Variants in PDE7B observed in about 807,000 individuals in gnomAD.
PDE7B encodes 3',5'-cyclic-AMP phosphodiesterase 7B.
In PDE7B, 29 loss-of-function variants were observed where a neutral mutation model predicts 56.2. That is an observed-to-expected ratio of 0.52 (90% CI 0.38 to 0.70). PDE7B has a LOEUF of 0.70. Among genes scored for constraint, PDE7B ranks in the 30% least tolerant of loss-of-function variants. The pLI is 0.00. For missense variants in PDE7B, 490 were observed against 565.0 expected (o/e 0.87, Z 1.35); for synonymous variants, 197 against 196.9 (o/e 1.00, Z 0.00).
Position 135,876,166 on chromosome 6 carries a change from T to C in PDE7B, c.21+24147T>C, listed in dbSNP as rs556673319. ...GCCAGGCTCCTGGGGACCTGCTAAGTAGAAATGGCTGTGAGAAGAGTTTGG... is the reference window on the plus strand; with the variant it reads ...GCCAGGCTCCTGGGGACCTGCTAAGCAGAAATGGCTGTGAGAAGAGTTTGG... On this transcript the variant is annotated intron_variant, in intron 1 of 12. Coordinates refer to ENST00000308191, the MANE Select transcript of PDE7B (RefSeq NM_018945.4). 2.2e-4 allele frequency among the ~76,000 whole-genome samples: 34 copies of C among 152,270 alleles called. 1 individual carries two copies. The highest frequency in any genetic ancestry group is 6.2e-4 in the South Asian group (3 of 4,832).
chr6:136,005,687 T>TG (rs1311793353), intron 2 of PDE7B, among the ~76,000 whole-genome samples: 48 of 152,206 alleles, frequency 3.2e-4, no homozygotes, highest in African/African-American at 8.2e-4. Context: ...ATGGCAATCA[T>TG]TAAAAAGTCA....
intron 1 of PDE7B, among the ~76,000 whole-genome samples, chr6:135,852,840 G>A (rs1774962937): frequency 6.6e-6 from 1 of 152,184 alleles, no homozygotes; most frequent in South Asian, 2.1e-4. Context: ...TAAAAATTCT[G>A]TTCTTCATGT....
intron 3 of PDE7B, among the ~76,000 whole-genome samples, chr6:136,141,629 TG>T (rs956103309): frequency 9.2e-5 from 14 of 152,236 alleles, no homozygotes; most frequent in African/African-American, 3.4e-4. Context: ...TATTAATTAT[TG>T]CCTCAATTTC....
intron 3 of PDE7B, among the ~76,000 whole-genome samples, chr6:136,125,558 G>T (rs1044068340): frequency 6.6e-6 from 1 of 151,912 alleles, no homozygotes; most frequent in East Asian, 1.9e-4. Context: ...ACAGGGCAAA[G>T]ATCCTGTCCC....
At chr6:135,970,603 A>G (rs1452240549) in intron 2 of PDE7B, among the ~76,000 whole-genome samples, 1 of 152,190 alleles carries the variant, frequency 6.6e-6, no homozygotes, top group African/African-American at 2.4e-5. Context: ...CCCGGTATAC[A>G]TTGTGAAGAG....
chr6:136,024,767 T>C (rs1415395608), intron 2 of PDE7B, among the ~76,000 whole-genome samples: 3 of 152,226 alleles, frequency 2.0e-5, no homozygotes, highest in Non-Finnish European at 1.5e-5. Context: ...CAGTTTTGTT[T>C]TGTTGTATTT....
chr6:135,865,429 G>A (rs1775236127), intron 1 of PDE7B, among the ~76,000 whole-genome samples: 2 of 151,948 alleles, frequency 1.3e-5, no homozygotes, highest in Admixed American at 6.6e-5. Context: ...GTCATTTCTA[G>A]CTTTCTGTCA....
At chr6:135,994,748 T>C (rs1775534755) in intron 2 of PDE7B, among the ~76,000 whole-genome samples, 1 of 152,196 alleles carries the variant, frequency 6.6e-6, no homozygotes, top group African/African-American at 2.4e-5. Flanking sequence ...AAGAATAAGA[T>C]AGCAACTCCT....
intron 9 of PDE7B, 131 bp downstream of exon 9, chr6:136,174,019 C>T: frequency 1.5e-6 from 1 of 674,950 alleles, no homozygotes; most frequent in East Asian, 2.7e-5. Context: ...CTGCACTGAG[C>T]TGTCTATCAG....
intron 2 of PDE7B, among the ~76,000 whole-genome samples, chr6:136,023,687 T>A (rs890229732): frequency 1.3e-5 from 2 of 152,184 alleles, no homozygotes; most frequent in African/African-American, 4.8e-5. Context: ...AAGTCAGCCA[T>A]CACTCTTACA....
At chr6:135,906,829 T>TTTTTTTGTTTTTTTTTTTTTTTG (rs1776123297) in intron 1 of PDE7B, among the ~76,000 whole-genome samples, 3 of 142,604 alleles carry the variant, frequency 2.1e-5, no homozygotes, top group African/African-American at 8.5e-5. Context: ...TTTTTTTTTT[T>TTTTTTTGTTTTTTTTTTTTTTTG]TTTTTTTAAT....
At chr6:135,893,890 T>C (rs1284942235) in intron 1 of PDE7B, among the ~76,000 whole-genome samples, 2 of 152,216 alleles carry the variant, frequency 1.3e-5, no homozygotes, top group Admixed American at 1.3e-4. Flanking sequence ...TTTGAAGTCT[T>C]TTAAAAATAG....
chr6:135,934,876 A>ATTTAAATAAATATAT (rs1774376977), intron 1 of PDE7B, among the ~76,000 whole-genome samples: 4 of 99,154 alleles, frequency 4.0e-5, no homozygotes, highest in African/African-American at 1.6e-4. Flanking sequence ...AATATATATA[A>ATTTAAATAAATATAT]ATATTTATTT....
In PDE7B at chr6:136,187,014, TTC is replaced by T. The variant is rs753208946; in HGVS notation, c.1046-20_1046-19del. 9 of 1,280,614 alleles carry T rather than the reference TTC, an allele frequency of 7.0e-6. No individual in the cohort carries two copies. The highest frequency in any genetic ancestry group is 1.0e-5 in the Non-Finnish European group (9 of 888,444). 79.3% of individuals were successfully genotyped at this position (1,280,614 alleles called of 1,614,324 possible). A position where few individuals can be genotyped will look rare whatever the true frequency, so the allele number is the denominator to read the frequency against. On this transcript the variant is annotated intron_variant, in intron 11 of 12. Transcript: ENST00000308191. ...AGTTCTAGATTACCAATGTGTTTTTTTCTTTCTTTCTTTCTTCTTAGGTGAAC... is the reference window on the plus strand; with the variant it reads ...AGTTCTAGATTACCAATGTGTTTTTTTTTCTTTCTTTCTTCTTAGGTGAAC...
chr6:136,130,638 C>T lies in PDE7B; in HGVS notation c.167-16713C>T, dbSNP rs115615931. Among the ~76,000 whole-genome samples, 1,165 of 152,302 alleles carry T rather than the reference C, an allele frequency of 7.6e-3. 13 individuals are homozygous for T. The highest frequency in any genetic ancestry group is 0.026 in the African/African-American group (1,077 of 41,566). On this transcript the variant is annotated intron_variant, in intron 3 of 12. Transcript: ENST00000308191. The stretch of plus-strand genomic sequence containing the variant: ...CATAAGTAGTGAAGGGGATAAAGAG[C>T]CAATCCCATCACCTTCCTCTGGGTA...
chr6:136,185,484 A>G (rs507323), intron 11 of PDE7B, among the ~76,000 whole-genome samples: 151,537 of 152,284 alleles, frequency 1, 75,398 homozygotes, highest in Middle Eastern at 1. Context: ...GCCTGGGAGG[A>G]GGGCTCACAC....
intron 1 of PDE7B, among the ~76,000 whole-genome samples, chr6:135,867,474 G>T (rs1257620853): frequency 6.6e-6 from 1 of 152,090 alleles, no homozygotes; most frequent in African/African-American, 2.4e-5. Context: ...GTGCAGGTTT[G>T]TTATGTAGGG....
intron 2 of PDE7B, among the ~76,000 whole-genome samples, chr6:135,953,076 T>G (rs1774728357): frequency 6.6e-6 from 1 of 152,146 alleles, no homozygotes; most frequent in Non-Finnish European, 1.5e-5. Flanking sequence ...TAAAAACATG[T>G]TAATTCTATT....
At chr6:136,183,619 G>GA (rs367881738) in intron 11 of PDE7B, among the ~76,000 whole-genome samples, 3,086 of 140,328 alleles carry the variant, frequency 0.022, 179 homozygotes, top group Admixed American at 0.11. Flanking sequence ...AAAAGAAAAA[G>GA]AAAAAAAAAA....
Sources: gnomAD v4.1 joint callset for allele counts (sites outside exome capture counted in the v4.1 genomes callset) on GRCh38, gnomAD v4.1.1 for gene constraint, MANE v1.5 for transcripts, NCBI Gene and HGNC (gene_info 2026-07-23, HGNC 2026-07-21) for gene names.